Variants in BBS1 observed in about 807,000 individuals in gnomAD.
The protein encoded by BBS1 is BBSome complex member BBS1.
Under a neutral mutation model 73.9 loss-of-function variants are expected in BBS1, and 60 were observed. That is an observed-to-expected ratio of 0.81 (90% CI 0.66 to 1.01). The LOEUF (loss-of-function observed/expected upper bound fraction) is 1.01. Among genes scored for constraint, BBS1 ranks in the 50% least tolerant of loss-of-function variants. The pLI, the probability that BBS1 is intolerant of heterozygous loss-of-function variation, is 0.00. For missense variants in BBS1, 718 were observed against 770.3 expected (o/e 0.93, Z 0.80); for synonymous variants, 283 against 317.4 (o/e 0.89, Z 1.15).
chr11:66,527,903 T>A (rs1590775406), intron 13 of BBS1, among the ~76,000 whole-genome samples: 1 of 151,946 alleles, frequency 6.6e-6, no homozygotes, highest in Non-Finnish European at 1.5e-5. Flanking sequence ...CAGGGCAGGG[T>A]AATATAGGCA....
At position 66,523,713 on chromosome 11, in the gene BBS1, T is replaced by C; in HGVS notation, c.952-11T>C. 1 of 1,610,788 alleles carries C rather than the reference T, an allele frequency of 6.2e-7. No individual in the cohort carries two copies. The highest frequency in any genetic ancestry group is 8.5e-7 in the Non-Finnish European group (1 of 1,179,982). ...CTGAGCCCTCCACAGACGCTGGCTG[T>C]TCCCTGCCAGGGGAAGAAGCTGTGG... is the stretch of plus-strand genomic sequence containing the variant. On this transcript the variant is annotated splice_polypyrimidine_tract_variant and intron_variant, in intron 10 of 16. Coordinates refer to ENST00000318312, the MANE Select transcript of BBS1 (RefSeq NM_024649.5).
chr11:66,529,427 C>T (rs1225985416), intron 13 of BBS1: 5 of 930,022 alleles, frequency 5.4e-6, no homozygotes, highest in South Asian at 2.8e-5. Context: ...TGCACAATAT[C>T]GAGCGTGGAC....
chr11:66,525,149 G>A (rs941695526), intron 11 of BBS1, among the ~76,000 whole-genome samples: 3 of 150,536 alleles, frequency 2.0e-5, no homozygotes, highest in African/African-American at 4.9e-5. Flanking sequence ...GCAGTGAGCC[G>A]AGATCGCACC....
Position 66,511,213 on chromosome 11 carries a change from G to C in BBS1, c.133G>C (p.Asp45His). ...GCCCTTTTGTTTTCCAGCGCTGGCA[G>C]ATTTACATGGGGATGGGGAATACAA... ...HTFSACLALA[D>H]LHGDGEYKLV... Residue 45 changes from aspartate (D) to histidine (H), a missense_variant, in exon 3 of 17, where the codon GAT becomes CAT. Asp to His is a moderately conservative substitution (Grantham distance 81). Transcript: ENST00000318312. 1 of 1,614,116 alleles carries C rather than the reference G, an allele frequency of 6.2e-7. No individual in the cohort carries two copies. Among genetic ancestry groups the C allele is most frequent in the South Asian group, 1.1e-5 (1 of 91,068 alleles).
intron 7 of BBS1, 72 bp from the exon 8 acceptor site, chr11:66,519,543 CAT>C (rs932132340): frequency 7.9e-5 from 127 of 1,603,342 alleles, no homozygotes; most frequent in Non-Finnish European, 9.7e-5. Context: ...TTTCTTCCCT[CAT>C]GTGGCATTCT....
In BBS1 at chr11:66,511,067, C is replaced by A. The variant is rs760081811; in HGVS notation, c.102C>A (p.Ile34=). The A allele has an allele frequency of 3.7e-6, 6 of 1,614,066 alleles. No individual in the cohort carries two copies. The highest frequency in any genetic ancestry group is 4.2e-6 in the Non-Finnish European group (5 of 1,180,046). ...CGCACTACGACCCAATGGCCAATATCCACACCTTTTCTGCCTGCCTAGGTG... is the reference window on the plus strand; with the variant it reads ...CGCACTACGACCCAATGGCCAATATACACACCTTTTCTGCCTGCCTAGGTG... The part of the protein sequence containing the change: ...LDAHYDPMAN[I]HTFSACLALA... The change falls in exon 2 of 17, where the codon ATC becomes ATA. Residue 34 remains isoleucine, a synonymous_variant. Coordinates refer to ENST00000318312, the MANE Select transcript of BBS1 (RefSeq NM_024649.5).
At chr11:66,526,880 G>C in intron 13 of BBS1, 73 bp downstream of exon 13, 2 of 1,612,740 alleles carry the variant, frequency 1.2e-6, no homozygotes, top group South Asian at 1.1e-5. Flanking sequence ...GGGGAATGCT[G>C]CCCAGCCTCC....
intron 7 of BBS1, among the ~76,000 whole-genome samples, chr11:66,516,168 C>G (rs1448598976): frequency 6.8e-6 from 1 of 146,774 alleles, no homozygotes; most frequent in Non-Finnish European, 1.5e-5. Context: ...CTCTGTCACC[C>G]AGGCTGGAGT....
chr11:66,523,983 A>G (rs971169901), intron 11 of BBS1, 101 bp downstream of exon 11: 2 of 1,544,762 alleles, frequency 1.3e-6, no homozygotes, highest in East Asian at 4.6e-5. Context: ...GATGCATTTC[A>G]AAAACATTTG....
chr11:66,510,656 G>A lies in BBS1; in HGVS notation c.-4G>A, dbSNP rs529347675. On this transcript the variant is annotated 5_prime_UTR_variant, in exon 1 of 17. Transcript: ENST00000318312. ...GGCCGGTTGCCAGGACGACGCCTGC[G>A]AAGATGGCCGCTGCGTCCTCATCGG... The A allele has an allele frequency of 5.0e-6, 8 of 1,614,166 alleles. No homozygotes were observed. In the African/African-American group the frequency reaches 6.7e-5, roughly 13 times the overall value.
At chr11:66,512,582 C>T (rs572590930) in intron 3 of BBS1, among the ~76,000 whole-genome samples, 27 of 152,226 alleles carry the variant, frequency 1.8e-4, no homozygotes, top group Non-Finnish European at 2.9e-4. Flanking sequence ...GATACACTGT[C>T]GACAATTATT....
At chr11:66,530,040 G>T in intron 14 of BBS1, 88 bp downstream of exon 14, 1 of 1,527,440 alleles carries the variant, frequency 6.5e-7, no homozygotes. Flanking sequence ...CTAAGCCCCA[G>T]AGCCAATTCC....
intron 3 of BBS1, among the ~76,000 whole-genome samples, chr11:66,511,816 T>A (rs1008894167): frequency 1.1e-4 from 16 of 151,678 alleles, no homozygotes; most frequent in African/African-American, 3.9e-4. Flanking sequence ...CTGTCCAACA[T>A]GGTGAAACAC....
In BBS1 at chr11:66,521,271, T is replaced by C. The variant is rs771506842; in HGVS notation, c.725T>C (p.Met242Thr). The change falls in exon 9 of 17, where the codon ATG (methionine) becomes ACG (threonine). Residue 242 changes from methionine to threonine, a missense_variant and splice_region_variant. Transcript: ENST00000318312. ...AGTGTTTGCGCTTCTTGTTTGCAGA[T>C]GAGCCTTCCCAGCGTCCCCGTCTTC... ...DPEAFTILAK[M>T]SLPSVPVFLE... The C allele has an allele frequency of 3.0e-5, 48 of 1,613,684 alleles. No individual in the cohort carries two copies. The highest frequency in any genetic ancestry group is 1.3e-4 in the Admixed American group (8 of 59,990).
chr11:66,522,568 G>A (rs996646367), intron 9 of BBS1, among the ~76,000 whole-genome samples: 24 of 151,988 alleles, frequency 1.6e-4, no homozygotes, highest in Non-Finnish European at 2.9e-4. Flanking sequence ...GGCTGGTCTC[G>A]AACGCCTGAC....
At chr11:66,528,284 C>T (rs1176133487) in intron 13 of BBS1, among the ~76,000 whole-genome samples, 2 of 152,174 alleles carry the variant, frequency 1.3e-5, no homozygotes, top group Non-Finnish European at 2.9e-5. Context: ...AAAAGACCAC[C>T]TTCAAGAATG....
chr11:66,520,991 T>G, intron 8 of BBS1: 1 of 454,782 alleles, frequency 2.2e-6, no homozygotes, highest in Non-Finnish European at 4.1e-6. Context: ...AGTGTTGGGA[T>G]TACAGGTGTG....
chr11:66,531,687 C>T lies in BBS1; in HGVS notation c.1640C>T (p.Pro547Leu), dbSNP rs774636593. ...TTGCTGGTGCCAGGGCTCAACTACC[C>T]CCTGGAGACCTTTGTGGAGAGTCTC... is the stretch of plus-strand genomic sequence containing the variant. Reference protein sequence around the residue: ...VPLLVPGLNYPLETFVESLSN... With the variant: ...VPLLVPGLNYLLETFVESLSN... Residue 547 changes from proline (P) to leucine (L), a missense_variant, in exon 16 of 17, where the codon CCC (proline) becomes CTC (leucine). Physicochemically the swap from Pro to Leu is moderately conservative, Grantham distance 98. Coordinates refer to ENST00000318312, the MANE Select transcript of BBS1 (RefSeq NM_024649.5). 1 of 1,614,150 alleles carries T rather than the reference C, an allele frequency of 6.2e-7. No homozygotes were observed. Among genetic ancestry groups the T allele is most frequent in the South Asian group, 1.1e-5 (1 of 91,084 alleles).
intron 8 of BBS1, chr11:66,520,457 G>A (rs1380176070): frequency 6.6e-6 from 1 of 152,668 alleles, no homozygotes; most frequent in African/African-American, 2.4e-5. Context: ...GCTAATTTTT[G>A]TATTTTTAGT....
Sources: allele counts gnomAD v4.1 joint callset (sites outside exome capture counted in the v4.1 genomes callset), GRCh38; gene constraint gnomAD v4.1.1; transcripts MANE v1.5; gene names NCBI Gene and HGNC (gene_info 2026-07-23, HGNC 2026-07-21).